Variants in PARD3B observed in about 807,000 individuals in gnomAD.
PARD3B encodes the protein par-3 family cell polarity regulator beta.
Under a neutral mutation model 130.2 loss-of-function variants are expected in PARD3B, and 103 were observed. That is an observed-to-expected ratio of 0.79 (90% CI 0.67 to 0.93). The LOEUF (loss-of-function observed/expected upper bound fraction) is 0.93. Ranked by LOEUF, PARD3B falls within the 40% of genes least tolerant of loss-of-function variation. The pLI is 0.00. For missense variants in PARD3B, 1,609 were observed against 1,499.2 expected, an observed-to-expected ratio of 1.07 and a Z score of -1.21; for synonymous variants, 583 against 553.2, an observed-to-expected ratio of 1.05 and a Z score of -0.76.
At chr2:204,774,922 G>T (rs1281811856) in intron 2 of PARD3B, among the ~76,000 whole-genome samples, 1 of 152,056 alleles carries the variant, frequency 6.6e-6, no homozygotes, top group Non-Finnish European at 1.5e-5. Context: ...ATTTCTCAGT[G>T]CTTTCACAGA....
At position 205,146,896 on chromosome 2, in the gene PARD3B, A is replaced by G. The variant is rs2033404818; in HGVS notation, c.1435-11826A>G. On this transcript the variant is annotated intron_variant, in intron 10 of 22. Transcript: ENST00000406610. This position sits in a 1 kb window ranked among gnomAD's most constrained non-coding sequence, Gnocchi z 4.3. ...GACCCGGCTAATTTTTTGTATTTTT[A>G]GTAGGAATGGGGTTTTGCCATGTTG... Among the ~76,000 whole-genome samples, 1 of 151,596 alleles carries G rather than the reference A, an allele frequency of 6.6e-6. No homozygotes were observed. Among genetic ancestry groups the G allele is most frequent in the South Asian group, 2.1e-4 (1 of 4,792 alleles).
chr2:204,626,148 A>G (rs986218723), intron 1 of PARD3B, among the ~76,000 whole-genome samples: 10 of 152,208 alleles, frequency 6.6e-5, no homozygotes, highest in South Asian at 2.1e-4. Flanking sequence ...ATCCCCATGG[A>G]CTGACAATTT....
chr2:205,279,251 C>T (rs1203590047), intron 16 of PARD3B, among the ~76,000 whole-genome samples: 2 of 152,044 alleles, frequency 1.3e-5, no homozygotes, highest in East Asian at 3.9e-4. Context: ...GAATTCTTTA[C>T]TTCTTGAAAT....
intron 10 of PARD3B, among the ~76,000 whole-genome samples, chr2:205,145,356 A>T (rs1302705056): frequency 6.6e-6 from 1 of 152,156 alleles, no homozygotes; most frequent in Non-Finnish European, 1.5e-5. Flanking sequence ...GAAATTTCTC[A>T]TATGGAAATG....
At chr2:205,368,526 G>A (rs568043391) in intron 18 of PARD3B, among the ~76,000 whole-genome samples, 1 of 152,096 alleles carries the variant, frequency 6.6e-6, no homozygotes, top group Non-Finnish European at 1.5e-5. Flanking sequence ...CAGCTACTTG[G>A]GAGGCTGAGG....
At chr2:205,571,877 A>G (rs1328119893) in intron 22 of PARD3B, among the ~76,000 whole-genome samples, 1 of 152,208 alleles carries the variant, frequency 6.6e-6, no homozygotes, top group African/African-American at 2.4e-5. Flanking sequence ...AGTGCACTTT[A>G]TGCATAGGAA....
intron 12 of PARD3B, among the ~76,000 whole-genome samples, chr2:205,173,045 A>G (rs1342973669): frequency 6.6e-6 from 1 of 152,162 alleles, no homozygotes; most frequent in Non-Finnish European, 1.5e-5. Flanking sequence ...AAGAATAATT[A>G]TTAAATGCTC....
intron 22 of PARD3B, among the ~76,000 whole-genome samples, chr2:205,605,447 T>C (rs1050764640): frequency 6.6e-6 from 1 of 152,140 alleles, no homozygotes; most frequent in African/African-American, 2.4e-5. Context: ...GTTGCTTCCT[T>C]TTAGTTGTGT....
At chr2:204,996,329 A>G (rs1355416737) in intron 3 of PARD3B, among the ~76,000 whole-genome samples, 1 of 151,668 alleles carries the variant, frequency 6.6e-6, no homozygotes, top group Non-Finnish European at 1.5e-5. Flanking sequence ...GGTCTGTTGG[A>G]ATACCCTCCC....
intron 15 of PARD3B, among the ~76,000 whole-genome samples, chr2:205,225,782 C>A (rs1253507760): frequency 1.3e-5 from 2 of 152,170 alleles, no homozygotes; most frequent in Non-Finnish European, 2.9e-5. Context: ...CACTAACTAT[C>A]ATGAGAACAA....
At chr2:204,937,846 T>A (rs1162840664) in intron 2 of PARD3B, among the ~76,000 whole-genome samples, 6 of 152,212 alleles carry the variant, frequency 3.9e-5, no homozygotes, top group African/African-American at 1.2e-4. Flanking sequence ...TAAATGCTAA[T>A]TCTCCTTCAT....
chr2:204,815,975 A>C (rs1364407738), intron 2 of PARD3B, among the ~76,000 whole-genome samples: 2 of 151,984 alleles, frequency 1.3e-5, no homozygotes, highest in Non-Finnish European at 2.9e-5. Flanking sequence ...TTGGTTGATA[A>C]TGTTTTTCAG....
At chr2:205,032,332 T>G (rs927822806) in intron 3 of PARD3B, among the ~76,000 whole-genome samples, 1 of 152,066 alleles carries the variant, frequency 6.6e-6, no homozygotes, top group Non-Finnish European at 1.5e-5. Context: ...ATGGATTAGA[T>G]TTCAGTTATC....
chr2:205,036,916 G>T lies in PARD3B; in HGVS notation c.395-10665G>T, dbSNP rs1185733824. On this transcript the variant is annotated intron_variant, in intron 3 of 22. Coordinates refer to ENST00000406610, the MANE Select transcript of PARD3B (RefSeq NM_001302769.2). ...ATATAAAGAACATATATAGCGGACT[G>T]TATATATAAAAAACATATAGTGGAC... Among the ~76,000 whole-genome samples, 3 of 147,892 alleles carry T rather than the reference G, an allele frequency of 2.0e-5. No homozygotes were observed. The Admixed American group carries it at 2.0e-4, about 10-fold the overall frequency.
chr2:204,927,095 G>A (rs1687676987), intron 2 of PARD3B, among the ~76,000 whole-genome samples: 1 of 152,068 alleles, frequency 6.6e-6, no homozygotes, highest in South Asian at 2.1e-4. Flanking sequence ...AGCAAGGAAT[G>A]CATAGCCCTC....
chr2:205,499,780 A>G (rs1243087223), intron 20 of PARD3B, 116 bp from the exon 21 acceptor site: 7 of 1,190,042 alleles, frequency 5.9e-6, no homozygotes, highest in Non-Finnish European at 8.1e-6. Context: ...GCATATTTGA[A>G]TTACATTATT....
At chr2:205,454,374 G>A (rs2048201827) in intron 20 of PARD3B, among the ~76,000 whole-genome samples, 1 of 152,128 alleles carries the variant, frequency 6.6e-6, no homozygotes, top group South Asian at 2.1e-4. Context: ...TAAATAATCA[G>A]TGGGATGAAA....
chr2:205,112,902 G>C (rs937482947), intron 5 of PARD3B, among the ~76,000 whole-genome samples: 3 of 152,098 alleles, frequency 2.0e-5, no homozygotes, highest in Non-Finnish European at 4.4e-5. Context: ...ATTTGGAATT[G>C]TTCTGTTGAA....
At position 204,829,509 on chromosome 2, in the gene PARD3B, G is replaced by T. The variant is rs553746908; in HGVS notation, c.223-135643G>T. Among the ~76,000 whole-genome samples the T allele has an allele frequency of 3.3e-5, 5 of 152,272 alleles. No individual in the cohort carries two copies. The East Asian group carries it at 9.7e-4, about 29-fold the overall frequency. On this transcript the variant is annotated intron_variant, in intron 2 of 22. Coordinates refer to ENST00000406610, the MANE Select transcript of PARD3B (RefSeq NM_001302769.2). ...TGACATAGGAGGTAGCCATTAATAT[G>T]TTAGTAAATAAAGTGAGAGAAGGAT...
Sources: gnomAD v4.1 joint callset for allele counts (sites outside exome capture counted in the v4.1 genomes callset) on GRCh38, gnomAD v4.1.1 for gene constraint, Gnocchi (gnomAD v3.1) non-coding constraint, MANE v1.5 for transcripts, NCBI Gene and HGNC (gene_info 2026-07-23, HGNC 2026-07-21) for gene names.